TSPAN5: variants seen among roughly 807,000 people sequenced by gnomAD.
TSPAN5 encodes the protein tetraspanin 5, also known as tetraspanin-5.
A neutral mutation model predicts 37.1 loss-of-function variants in TSPAN5; 10 were observed. The observed-to-expected ratio is 0.27, with a 90% CI of 0.17 to 0.46. The LOEUF (loss-of-function observed/expected upper bound fraction) is 0.46. Among genes scored for constraint, TSPAN5 ranks in the 20% least tolerant of loss-of-function variants. TSPAN5 has a pLI of 1.00. For synonymous variants in TSPAN5, 110 were observed against 118.9 expected (o/e 0.93, Z 0.48); for missense variants, 195 against 326.6 (o/e 0.60, Z 3.11).
chr4:98,499,142 A>G (rs1753284407), intron 2 of TSPAN5, among the ~76,000 whole-genome samples: 1 of 152,234 alleles, frequency 6.6e-6, no homozygotes. Context: ...ACAGGGACTC[A>G]GCAGGGGAGC....
At position 98,627,839 on chromosome 4, in the gene TSPAN5, T is replaced by C. The variant is rs533028708; in HGVS notation, c.81+30307A>G. Among the ~76,000 whole-genome samples the C allele has an allele frequency of 6.2e-4, 95 of 152,304 alleles. No individual in the cohort carries two copies. In the South Asian group the frequency reaches 8.7e-3, roughly 14 times the overall value. ...AAAGTAAATCTTTGGACTGGACTGCTGTTGTGAGCCAAAGAGAATGATTAA... is the reference window on the plus strand; with the variant it reads ...AAAGTAAATCTTTGGACTGGACTGCCGTTGTGAGCCAAAGAGAATGATTAA... On this transcript the variant is annotated intron_variant, in intron 1 of 7. Coordinates refer to ENST00000305798, the MANE Select transcript of TSPAN5 (RefSeq NM_005723.4).
intron 5 of TSPAN5, among the ~76,000 whole-genome samples, chr4:98,477,571 TGAG>T (rs1752731913): frequency 6.6e-6 from 1 of 151,856 alleles, no homozygotes; most frequent in South Asian, 2.1e-4. Context: ...AGAGAACAGT[TGAG>T]GAGTCCCAGA....
chr4:98,548,886 G>GGTGTGTGTGTGTGTGT (rs142527701), intron 1 of TSPAN5, among the ~76,000 whole-genome samples: 1 of 57,342 alleles, frequency 1.7e-5, no homozygotes, highest in African/African-American at 4.6e-5. Context: ...AGTATTCCAA[G>GGTGTGTGTGTGTGTGT]GTGTGTGTGT....
intron 2 of TSPAN5, among the ~76,000 whole-genome samples, chr4:98,497,848 C>T (rs6852291): frequency 0.2 from 29,661 of 152,006 alleles, 3,392 homozygotes; most frequent in African/African-American, 0.33. Flanking sequence ...CAGAAGGTCC[C>T]ATCAGTAAGA....
intron 1 of TSPAN5, among the ~76,000 whole-genome samples, chr4:98,526,737 G>T (rs1007610239): frequency 6.6e-6 from 1 of 152,116 alleles, no homozygotes; most frequent in Non-Finnish European, 1.5e-5. Context: ...TCTAAGAAAT[G>T]GAGATGGAAG....
At chr4:98,605,998 T>C (rs903029151) in intron 1 of TSPAN5, among the ~76,000 whole-genome samples, 6 of 152,192 alleles carry the variant, frequency 3.9e-5, no homozygotes. Flanking sequence ...GTCTATGGCA[T>C]CTGTATGCAC....
intron 1 of TSPAN5, among the ~76,000 whole-genome samples, chr4:98,512,822 G>C (rs1411748619): frequency 6.6e-6 from 1 of 152,076 alleles, no homozygotes; most frequent in African/African-American, 2.4e-5. Flanking sequence ...CTTTTCTCTT[G>C]GGATAAATGA....
At chr4:98,638,482 G>T (rs1026132526) in intron 1 of TSPAN5, among the ~76,000 whole-genome samples, 1 of 152,132 alleles carries the variant, frequency 6.6e-6, no homozygotes, top group Non-Finnish European at 1.5e-5. Context: ...GCATTTAACT[G>T]GCTAGGTATC....
At chr4:98,628,566 A>G (rs929916736) in intron 1 of TSPAN5, among the ~76,000 whole-genome samples, 1 of 152,196 alleles carries the variant, frequency 6.6e-6, no homozygotes, top group African/African-American at 2.4e-5. Flanking sequence ...AGATCTGGCA[A>G]CACAGGTACA....
intron 2 of TSPAN5, among the ~76,000 whole-genome samples, chr4:98,487,152 G>C (rs533991790): frequency 6.6e-6 from 1 of 150,920 alleles, no homozygotes; most frequent in East Asian, 2.0e-4. Context: ...AAGGGAGGGA[G>C]GGGGGGATGG....
intron 1 of TSPAN5, among the ~76,000 whole-genome samples, chr4:98,573,325 T>A (rs964436665): frequency 1.3e-5 from 2 of 152,324 alleles, no homozygotes; most frequent in Non-Finnish European, 2.9e-5. Context: ...GAGAAAAACA[T>A]ACAAGCAAAT....
At chr4:98,519,991 T>A (rs1175913802) in intron 1 of TSPAN5, among the ~76,000 whole-genome samples, 2 of 152,208 alleles carry the variant, frequency 1.3e-5, no homozygotes, top group Admixed American at 6.5e-5. Flanking sequence ...GCTTAAAGTG[T>A]GTGGCACATG....
chr4:98,634,452 CA>C (rs80006898), intron 1 of TSPAN5, among the ~76,000 whole-genome samples: 12,168 of 152,236 alleles, frequency 0.08, 610 homozygotes, highest in Non-Finnish European at 0.11. Context: ...CAAATACTGT[CA>C]ATTGACATGC....
At chr4:98,657,694 C>T (rs756114563) in intron 1 of TSPAN5, 19 of 234,310 alleles carry the variant, frequency 8.1e-5, no homozygotes, top group Non-Finnish European at 1.6e-4. Context: ...CGCGGCAACA[C>T]GGAGCCAAGC....
intron 1 of TSPAN5, among the ~76,000 whole-genome samples, chr4:98,582,898 A>G (rs1755401654): frequency 6.6e-6 from 1 of 152,212 alleles, no homozygotes; most frequent in Non-Finnish European, 1.5e-5. Context: ...GGTACCCACA[A>G]AAGATGTCAA....
chr4:98,602,126 T>C (rs867945615), intron 1 of TSPAN5, among the ~76,000 whole-genome samples: 1 of 152,056 alleles, frequency 6.6e-6, no homozygotes, highest in African/African-American at 2.4e-5. Flanking sequence ...AAGTATGGAA[T>C]GTCGTGAGAA....
At chr4:98,516,510 A>C (rs1227210727) in intron 1 of TSPAN5, among the ~76,000 whole-genome samples, 1 of 152,152 alleles carries the variant, frequency 6.6e-6, no homozygotes, top group Non-Finnish European at 1.5e-5. Flanking sequence ...CTCCTATTTT[A>C]AGTAAGCGCC....
At chr4:98,568,746 A>C (rs1003292939) in intron 1 of TSPAN5, among the ~76,000 whole-genome samples, 2 of 152,218 alleles carry the variant, frequency 1.3e-5, no homozygotes, top group Non-Finnish European at 2.9e-5. Flanking sequence ...TCTTAGAGTT[A>C]AACTTTAAAA....
intron 1 of TSPAN5, among the ~76,000 whole-genome samples, chr4:98,619,292 G>C (rs1460821196): frequency 1.3e-5 from 2 of 152,142 alleles, no homozygotes; most frequent in Non-Finnish European, 2.9e-5. Context: ...ACTGTCTCTT[G>C]GGTGGCAGCT....
Sources: gnomAD v4.1 joint callset for allele counts (sites outside exome capture counted in the v4.1 genomes callset) on GRCh38, gnomAD v4.1.1 for gene constraint, MANE v1.5 for transcripts, NCBI Gene and HGNC (gene_info 2026-07-23, HGNC 2026-07-21) for gene names.